Variants in LRRC28 observed in about 807,000 individuals in gnomAD.
LRRC28 encodes leucine-rich repeat-containing protein 28.
LRRC28 carries 39 observed loss-of-function variants against 45.7 expected under a neutral mutation model. The ratio of observed to expected loss-of-function variants is 0.85; its 90% CI spans 0.66 to 1.12. The LOEUF (loss-of-function observed/expected upper bound fraction) is 1.12, where lower values mean the gene tolerates loss of function less well. Among genes scored for constraint, LRRC28 ranks in the 50% most tolerant of loss-of-function variants. The pLI, the probability that LRRC28 is intolerant of heterozygous loss-of-function variation, is 0.00. For missense variants in LRRC28, 435 were observed against 438.5 expected (o/e 0.99, Z 0.07); for synonymous variants, 206 against 178.8 (o/e 1.15, Z -1.22).
At chr15:99,364,361 C>T (rs769933983) in intron 9 of LRRC28, among the ~76,000 whole-genome samples, 10 of 152,194 alleles carry the variant, frequency 6.6e-5, no homozygotes, top group Non-Finnish European at 1.2e-4. Flanking sequence ...ATCCCAAAAC[C>T]GTGTTTATCT....
At chr15:99,332,569 T>C (rs1956194047) in intron 5 of LRRC28, among the ~76,000 whole-genome samples, 1 of 152,182 alleles carries the variant, frequency 6.6e-6, no homozygotes, top group Non-Finnish European at 1.5e-5. Context: ...TTTTTAGGTG[T>C]TGCAGGCCAC....
rs1407730529 is a variant in LRRC28 at position 99,362,006 on chromosome 15, AAGT to A, written c.871+497_871+499del. On this transcript the variant is annotated intron_variant, in intron 8 of 9. Transcript: ENST00000301981. ...CAATATGTAGACCTAAAGGAGGTAG[AAGT>A]ACTGGGAGCCGTTGGCAGTACTGTC... is the stretch of plus-strand genomic sequence containing the variant. Among the ~76,000 whole-genome samples, 16 of 152,342 alleles carry A rather than the reference AAGT, an allele frequency of 1.1e-4. No individual in the cohort carries two copies. In the East Asian group the frequency reaches 2.9e-3, roughly 28 times the overall value.
Position 99,251,530 on chromosome 15 carries a change from G to C in LRRC28, c.-72G>C, listed in dbSNP as rs2080775483. The C allele has an allele frequency of 6.6e-6, 1 of 152,232 alleles. No homozygotes were observed. The highest frequency in any genetic ancestry group is 1.5e-5 in the Non-Finnish European group (1 of 68,064). The allele number at this position is 152,232 out of a possible 1,614,324, so 9.4% of individuals were successfully genotyped here. On this transcript the variant is annotated 5_prime_UTR_variant, in exon 1 of 10. Transcript: ENST00000301981. ...GCTTGCGCTCCGGAGCGCTGGCTCTGCTGGCGCTGAGGTGAGTAGAGCTGT... is the reference window on the plus strand; with the variant it reads ...GCTTGCGCTCCGGAGCGCTGGCTCTCCTGGCGCTGAGGTGAGTAGAGCTGT...
intron 2 of LRRC28, among the ~76,000 whole-genome samples, chr15:99,275,875 G>C (rs1182363245): frequency 6.6e-6 from 1 of 152,174 alleles, no homozygotes; most frequent in Non-Finnish European, 1.5e-5. Context: ...CTGGGCCACA[G>C]ACCTGGTACC....
intron 5 of LRRC28, among the ~76,000 whole-genome samples, chr15:99,298,422 G>T (rs12594607): frequency 0.097 from 14,710 of 152,068 alleles, 1,009 homozygotes; most frequent in East Asian, 0.33. Context: ...ATCTCTGAAA[G>T]GTATCTGTCT....
chr15:99,259,662 A>C (rs2081135576), intron 2 of LRRC28: 4 of 1,403,610 alleles, frequency 2.8e-6, no homozygotes. Context: ...AGTCGGAAGA[A>C]AACATTTGAA....
chr15:99,262,548 C>T (rs1255566607), intron 2 of LRRC28, among the ~76,000 whole-genome samples: 7 of 152,222 alleles, frequency 4.6e-5, no homozygotes, highest in East Asian at 3.9e-4. Flanking sequence ...TGCCACTGCA[C>T]GCCAGCCTGG....
Position 99,389,298 on chromosome 15 carries a change from A to G in LRRC28, c.*3196A>G, listed in dbSNP as rs926138361. On this transcript the variant is annotated 3_prime_UTR_variant, in exon 10 of 10. Coordinates refer to ENST00000301981, the MANE Select transcript of LRRC28 (RefSeq NM_144598.5). ...ATTAAAATCTTTACAGTCTAGGGGG[A>G]AAAAAAGGCTTCAATACCAGTTGGC... 5.3e-5 allele frequency: 8 copies of G among 152,002 alleles called. No individual in the cohort carries two copies. The East Asian group carries it at 5.8e-4, about 11-fold the overall frequency. The allele number at this position is 152,002 out of a possible 1,614,324, so 9.4% of individuals were successfully genotyped here.
At chr15:99,275,772 C>T (rs1484301848) in intron 2 of LRRC28, among the ~76,000 whole-genome samples, 1 of 152,122 alleles carries the variant, frequency 6.6e-6, no homozygotes, top group Non-Finnish European at 1.5e-5. Context: ...TCTGGTTCTT[C>T]CCTCTCTCTG....
At chr15:99,292,525 C>T (rs1230810687) in intron 5 of LRRC28, among the ~76,000 whole-genome samples, 7 of 151,606 alleles carry the variant, frequency 4.6e-5, no homozygotes, top group South Asian at 2.1e-4. Flanking sequence ...CCACCGCGCC[C>T]GGCTAATTTT....
In LRRC28 at chr15:99,259,895, G is replaced by A. The variant is rs55962871; in HGVS notation, c.168+3770G>A. The A allele has an allele frequency of 2.8e-3, 2,076 of 738,920 alleles. 22 individuals are homozygous for A. In the African/African-American group the frequency reaches 0.03, roughly 11 times the overall value. The allele number at this position is 738,920 out of a possible 1,614,324, so 45.8% of individuals were successfully genotyped here. ...TCCTGATGCAAAGGTGGAAGAACCC[G>A]ACGAAGAACCTGAGGAGACAGCAGA... is the stretch of plus-strand genomic sequence containing the variant. On this transcript the variant is annotated intron_variant, in intron 2 of 9. Transcript: ENST00000301981.
Position 99,387,549 on chromosome 15 carries a change from CAG to C in LRRC28, c.*1449_*1450del, listed in dbSNP as rs761349193. On this transcript the variant is annotated 3_prime_UTR_variant, in exon 10 of 10. Coordinates refer to ENST00000301981, the MANE Select transcript of LRRC28 (RefSeq NM_144598.5). ...TTCGACTTCTGCAAAAGTCCATAAA[CAG>C]AAAGTCTGTGAGCCTCCACCCTGCC... 1.3e-5 allele frequency: 2 copies of C among 152,184 alleles called. No individual in the cohort carries two copies. The highest frequency in any genetic ancestry group is 2.9e-5 in the Non-Finnish European group (2 of 68,056). 9.4% of individuals were successfully genotyped at this position (152,184 alleles called of 1,614,324 possible). A position where few individuals can be genotyped will look rare whatever the true frequency, so the allele number is the denominator to read the frequency against.
In LRRC28 at chr15:99,287,173, ATTTC is replaced by A. The variant is rs561142083; in HGVS notation, c.210-82_210-79del. 1,564 of 1,201,242 alleles carry A rather than the reference ATTTC, an allele frequency of 1.3e-3. 15 individuals carry two copies. The African/African-American group carries it at 0.022, about 17-fold the overall frequency. The allele number at this position is 1,201,242 out of a possible 1,614,324, so 74.4% of individuals were successfully genotyped here. On this transcript the variant is annotated intron_variant, in intron 3 of 9. Coordinates refer to ENST00000301981, the MANE Select transcript of LRRC28 (RefSeq NM_144598.5). ...GTTGTGGCCTATTTATATTTGATAA[ATTTC>A]TAAGTGAGCATTTTATAAACTGATT...
Position 99,282,177 on chromosome 15 carries a change from G to GTTTTTT in LRRC28, c.210-5071_210-5066dup, listed in dbSNP as rs766338889. Among the ~76,000 whole-genome samples the GTTTTTT allele has an allele frequency of 1.3e-3, 126 of 98,050 alleles. 12 individuals are homozygous for GTTTTTT. Among genetic ancestry groups the GTTTTTT allele is most frequent in the African/African-American group, 5.6e-3 (117 of 20,774 alleles). The allele number at this position is 98,050 out of a possible 152,430, so 64.3% of individuals were successfully genotyped here. A position where few individuals can be genotyped will look rare whatever the true frequency, so the allele number is the denominator to read the frequency against. On this transcript the variant is annotated intron_variant, in intron 3 of 9. Transcript: ENST00000301981. The stretch of plus-strand genomic sequence containing the variant: ...GGATTCCTTATGCAAATTTTTGGAG[G>GTTTTTT]TTTTTTTTTTTTTTGTAGCAGTAGC...
At chr15:99,268,724 A>C (rs993283290) in intron 2 of LRRC28, among the ~76,000 whole-genome samples, 3 of 152,190 alleles carry the variant, frequency 2.0e-5, no homozygotes, top group Admixed American at 1.3e-4. Flanking sequence ...AGCTAGGTGT[A>C]ATCTTAAATC....
intron 5 of LRRC28, among the ~76,000 whole-genome samples, chr15:99,313,413 T>C (rs1287983613): frequency 6.6e-6 from 1 of 152,110 alleles, no homozygotes; most frequent in Non-Finnish European, 1.5e-5. Context: ...TGAACAATTT[T>C]GTTGACCAAC....
intron 5 of LRRC28, among the ~76,000 whole-genome samples, chr15:99,299,696 A>G (rs2082349391): frequency 1.3e-5 from 2 of 152,304 alleles, no homozygotes; most frequent in South Asian, 4.1e-4. Flanking sequence ...AATTTTTACA[A>G]TGTTGTTTGA....
chr15:99,312,571 C>G (rs1955452911), intron 5 of LRRC28, among the ~76,000 whole-genome samples: 1 of 152,112 alleles, frequency 6.6e-6, no homozygotes, highest in African/African-American at 2.4e-5. Context: ...AAAGTATAGT[C>G]TAATTAATAA....
chr15:99,274,877 T>A (rs560330639), intron 2 of LRRC28, among the ~76,000 whole-genome samples: 1 of 152,322 alleles, frequency 6.6e-6, no homozygotes, highest in East Asian at 1.9e-4. Context: ...TACTCTCCTC[T>A]CCATTCCATG....
Sources: allele counts gnomAD v4.1 joint callset (sites outside exome capture counted in the v4.1 genomes callset), GRCh38; gene constraint gnomAD v4.1.1; transcripts MANE v1.5; gene names NCBI Gene and HGNC (gene_info 2026-07-23, HGNC 2026-07-21).